The following PSAP variants were observed in gnomAD, a reference collection of about 807,000 sequenced individuals.
PSAP encodes precursor of saposins.
In PSAP, 25 loss-of-function variants were observed where a neutral mutation model predicts 66.0. The observed-to-expected ratio is 0.38, with a 90% CI of 0.28 to 0.53. The LOEUF (loss-of-function observed/expected upper bound fraction) is 0.53, where lower values mean the gene tolerates loss of function less well. Among genes scored for constraint, PSAP ranks in the 20% least tolerant of loss-of-function variants. PSAP has a pLI of 0.83. For synonymous variants in PSAP, 273 were observed against 258.9 expected (o/e 1.05, Z -0.52); for missense variants, 649 against 668.8 (o/e 0.97, Z 0.33).
intron 1 of PSAP, among the ~76,000 whole-genome samples, chr10:71,845,374 G>A: frequency 6.6e-6 from 1 of 152,160 alleles, no homozygotes; most frequent in Non-Finnish European, 1.5e-5. Flanking sequence ...TTCTTAACCT[G>A]GGTGTTGCGT....
chr10:71,846,456 G>A (rs1260856374), intron 1 of PSAP, among the ~76,000 whole-genome samples: 1 of 147,666 alleles, frequency 6.8e-6, no homozygotes, highest in Non-Finnish European at 1.5e-5. Context: ...CAGGTGCGGC[G>A]ACTCACGCCT....
chr10:71,840,644 T>C (rs892134421), intron 1 of PSAP, among the ~76,000 whole-genome samples: 5 of 152,208 alleles, frequency 3.3e-5, no homozygotes, highest in African/African-American at 1.2e-4. Context: ...TCAGTGGCAA[T>C]AAAGCTCTTA....
chr10:71,836,466 G>A (rs1361256290), intron 1 of PSAP, among the ~76,000 whole-genome samples: 1 of 152,082 alleles, frequency 6.6e-6, no homozygotes, highest in Non-Finnish European at 1.5e-5. Flanking sequence ...CCACACCCTA[G>A]CAGGCCCTGG....
At chr10:71,828,704 C>T (rs1429500951) in intron 5 of PSAP, among the ~76,000 whole-genome samples, 173 bp downstream of exon 5, 1 of 152,092 alleles carries the variant, frequency 6.6e-6, no homozygotes, top group East Asian at 1.9e-4. Context: ...TTAAATATCC[C>T]ATTCTTTAGA....
chr10:71,849,994 T>C (rs1244383643), intron 1 of PSAP, among the ~76,000 whole-genome samples: 2 of 152,208 alleles, frequency 1.3e-5, no homozygotes, highest in Non-Finnish European at 2.9e-5. Flanking sequence ...TGGGTTTTAT[T>C]TGACCCCATA....
chr10:71,849,331 C>T (rs1589462618), intron 1 of PSAP, among the ~76,000 whole-genome samples: 1 of 152,216 alleles, frequency 6.6e-6, no homozygotes, highest in East Asian at 1.9e-4. Context: ...CTCATTTCTT[C>T]GGTTTTGCAT....
chr10:71,830,794 AG>A lies in PSAP; in HGVS notation c.375+331del, dbSNP rs143096073. Among the ~76,000 whole-genome samples the A allele has an allele frequency of 7.2e-3, 1,097 of 152,360 alleles. 1 individual carries two copies. The highest frequency in any genetic ancestry group is 0.011 in the Admixed American group (172 of 15,296). ...TATAAGTTCACAGAAATAAATTCAC[AG>A]AAGTGAGGTTTTGTGCCTGCTCAAA... On this transcript the variant is annotated intron_variant, in intron 4 of 13. Coordinates refer to ENST00000394936, the MANE Select transcript of PSAP (RefSeq NM_002778.4).
At chr10:71,825,463 T>C (rs1255916507) in intron 7 of PSAP, among the ~76,000 whole-genome samples, 2 of 152,238 alleles carry the variant, frequency 1.3e-5, no homozygotes, top group Non-Finnish European at 2.9e-5. Flanking sequence ...GGAGGCAGTA[T>C]TCCCCCGACT....
Position 71,819,566 on chromosome 10 carries a change from C to T in PSAP, c.1249G>A (p.Gly417Ser). Residue 417 changes from glycine to serine, a missense_variant, in exon 11 of 14, where the codon GGT becomes AGT. Physicochemically the swap from Gly to Ser is moderately conservative, Grantham distance 56 (BLOSUM62 0). Transcript: ENST00000394936. ...GFCEVCKKLV[G>S]YLDRNLEKNS... Reference sequence around the variant, plus strand: ...TTCTCCAGGTTGCGATCCAAATAACCCACCAGCTTCTTGCACACTTCGCAG... The same window carrying T: ...TTCTCCAGGTTGCGATCCAAATAACTCACCAGCTTCTTGCACACTTCGCAG... The T allele has an allele frequency of 6.2e-7, 1 of 1,614,222 alleles. No homozygotes were observed. Among genetic ancestry groups the T allele is most frequent in the Non-Finnish European group, 8.5e-7 (1 of 1,180,052 alleles).
At chr10:71,831,751 C>T in intron 3 of PSAP, 95 bp downstream of exon 3, 6 of 1,282,366 alleles carry the variant, frequency 4.7e-6, no homozygotes, top group Non-Finnish European at 6.8e-6. Context: ...CTCAGGCCTA[C>T]ACCATTCCTC....
intron 4 of PSAP, among the ~76,000 whole-genome samples, chr10:71,830,381 A>G (rs1392500952): frequency 6.6e-6 from 1 of 152,202 alleles, no homozygotes; most frequent in Non-Finnish European, 1.5e-5. Flanking sequence ...TCACAAAGCA[A>G]TGACCTCCTG....
In PSAP at chr10:71,818,625, G is replaced by A; in HGVS notation, c.1531C>T (p.Gln511Ter). 1.2e-6 allele frequency: 2 copies of A among 1,613,488 alleles called. No homozygotes were observed. The highest frequency in any genetic ancestry group is 1.7e-6 in the Non-Finnish European group (2 of 1,179,878). The change falls in exon 13 of 14, where the codon CAG (glutamine) becomes TAG (stop). Residue 511 changes from glutamine to a stop codon, truncating the protein, a stop_gained. Transcript: ENST00000394936. LOFTEE classifies it high-confidence loss of function. ...YWCQNTETAA[Q>*]CNAVEHCKRH... ...TCTGCTGAGCTACTCACATTGCACT[G>A]GGCTGCTGTCTCTGTGTTCTGGCAC...
intron 8 of PSAP, among the ~76,000 whole-genome samples, chr10:71,821,297 G>A (rs1176732480): frequency 6.6e-6 from 1 of 152,242 alleles, no homozygotes; most frequent in Admixed American, 6.5e-5. Context: ...GAACTAGAAT[G>A]TAAGCCCCAC....
chr10:71,847,861 T>C (rs913166907), intron 1 of PSAP, among the ~76,000 whole-genome samples: 2 of 152,186 alleles, frequency 1.3e-5, no homozygotes, highest in Non-Finnish European at 2.9e-5. Flanking sequence ...GGCCAGGCTA[T>C]AAATTCACAT....
intron 1 of PSAP, among the ~76,000 whole-genome samples, chr10:71,849,760 C>A (rs551769858): frequency 1.3e-5 from 2 of 152,164 alleles, no homozygotes; most frequent in Non-Finnish European, 2.9e-5. Flanking sequence ...CCTCCCACCT[C>A]GGTGTCCCAA....
intron 1 of PSAP, among the ~76,000 whole-genome samples, chr10:71,838,250 G>A (rs1001313966): frequency 6.6e-6 from 1 of 152,246 alleles, no homozygotes; most frequent in African/African-American, 2.4e-5. Context: ...AGGGTTCCAT[G>A]AGAAGTTGTG....
intron 1 of PSAP, among the ~76,000 whole-genome samples, chr10:71,837,002 C>A (rs1842638913): frequency 6.6e-6 from 1 of 152,226 alleles, no homozygotes; most frequent in African/African-American, 2.4e-5. Context: ...CTTCCCAATC[C>A]ATGACCTACT....
intron 1 of PSAP, among the ~76,000 whole-genome samples, chr10:71,835,783 CTT>C (rs531980994): frequency 2.3e-5 from 3 of 130,052 alleles, no homozygotes; most frequent in Non-Finnish European, 3.1e-5. Flanking sequence ...GTTGAACAAA[CTT>C]TTGCTGCAAT....
intron 7 of PSAP, chr10:71,823,807 T>C (rs1483513387): frequency 6.9e-6 from 7 of 1,007,648 alleles, no homozygotes; most frequent in Admixed American, 5.3e-5. Flanking sequence ...GAGCTAATCA[T>C]GCCATACCCA....
Sources: gnomAD v4.1 joint callset for allele counts (sites outside exome capture counted in the v4.1 genomes callset) on GRCh38, gnomAD v4.1.1 for gene constraint, MANE v1.5 for transcripts, NCBI Gene and HGNC (gene_info 2026-07-23, HGNC 2026-07-21) for gene names.